Variants in TTC23 observed in about 807,000 individuals in gnomAD.
The protein encoded by TTC23 is tetratricopeptide repeat domain 23, also known as tetratricopeptide repeat protein 23.
Under a neutral mutation model 55.1 loss-of-function variants are expected in TTC23, and 58 were observed. The ratio of observed to expected loss-of-function variants is 1.05; its 90% confidence interval spans 0.85 to 1.31. The LOEUF is 1.31. Ranked by LOEUF, TTC23 falls within the 50% of genes most tolerant of loss-of-function variation. TTC23 has a pLI of 0.00. For synonymous variants in TTC23, 203 were observed against 199.9 expected (o/e 1.02, Z -0.13); for missense variants, 516 against 534.4 (o/e 0.97, Z 0.34).
At chr15:99,199,217 T>C (rs2075994094) in intron 9 of TTC23, among the ~76,000 whole-genome samples, 1 of 152,114 alleles carries the variant, frequency 6.6e-6, no homozygotes, top group Admixed American at 6.6e-5. Context: ...ATAGAAATCC[T>C]GTCTGAGTTT....
At chr15:99,164,139 A>T (rs2071741112) in intron 10 of TTC23, among the ~76,000 whole-genome samples, 1 of 152,242 alleles carries the variant, frequency 6.6e-6, no homozygotes, top group Admixed American at 6.5e-5. Flanking sequence ...ACTAGTCTGA[A>T]ACTGGAAAAA....
At chr15:99,197,323 T>C (rs59545422) in intron 9 of TTC23, among the ~76,000 whole-genome samples, 2,006 of 152,100 alleles carry the variant, frequency 0.013, 43 homozygotes, top group African/African-American at 0.041. Context: ...AGGATGGTCT[T>C]GATCTCCTGA....
At chr15:99,230,232 A>G (rs1272469256) in intron 4 of TTC23, among the ~76,000 whole-genome samples, 1 of 152,208 alleles carries the variant, frequency 6.6e-6, no homozygotes, top group Non-Finnish European at 1.5e-5. Context: ...TCTAGATAGA[A>G]AAATTATGTG....
At chr15:99,212,702 T>C (rs1258090874) in intron 8 of TTC23, among the ~76,000 whole-genome samples, 1 of 152,050 alleles carries the variant, frequency 6.6e-6, no homozygotes, top group Non-Finnish European at 1.5e-5. Context: ...GATATCCTTT[T>C]AAGAGGGACA....
intron 1 of TTC23, among the ~76,000 whole-genome samples, 175 bp downstream of exon 1, chr15:99,248,996 A>T (rs1369251314): frequency 6.6e-6 from 1 of 152,164 alleles, no homozygotes; most frequent in Admixed American, 6.5e-5. Flanking sequence ...ATATCTTTTA[A>T]TAGATATATT....
chr15:99,181,456 T>C (rs1316562993), intron 9 of TTC23, among the ~76,000 whole-genome samples: 1 of 151,314 alleles, frequency 6.6e-6, no homozygotes, highest in Non-Finnish European at 1.5e-5. Flanking sequence ...CGACCGAGAG[T>C]CTACGACTCT....
chr15:99,139,514 G>GAATT (rs2067973055), intron 12 of TTC23, 115 bp from the exon 13 acceptor site: 1 of 1,555,942 alleles, frequency 6.4e-7, no homozygotes, highest in East Asian at 2.4e-5. Flanking sequence ...TGCTGTGATG[G>GAATT]AATTAGCATG....
intron 9 of TTC23, among the ~76,000 whole-genome samples, chr15:99,198,128 G>A (rs1041655424): frequency 6.6e-6 from 1 of 152,064 alleles, no homozygotes; most frequent in Non-Finnish European, 1.5e-5. Context: ...GGCAATCACT[G>A]TGTGTAAGTG....
At chr15:99,242,568 T>C (rs1430707567) in intron 2 of TTC23, among the ~76,000 whole-genome samples, 1 of 152,162 alleles carries the variant, frequency 6.6e-6, no homozygotes, top group Non-Finnish European at 1.5e-5. Context: ...CCTTCATGAA[T>C]ATGGACACAA....
intron 6 of TTC23, among the ~76,000 whole-genome samples, chr15:99,220,095 G>A (rs1434656997): frequency 6.6e-6 from 1 of 152,154 alleles, no homozygotes; most frequent in East Asian, 1.9e-4. Flanking sequence ...GAAGGAACCT[G>A]AACTCAATTT....
intron 8 of TTC23, among the ~76,000 whole-genome samples, chr15:99,206,736 C>T (rs929460309): frequency 5.9e-5 from 9 of 151,942 alleles, no homozygotes; most frequent in African/African-American, 1.7e-4. Flanking sequence ...TTGTTGATTT[C>T]GTTTATCTTT....
intron 9 of TTC23, among the ~76,000 whole-genome samples, chr15:99,188,412 T>A (rs1285382279): frequency 6.6e-6 from 1 of 152,030 alleles, no homozygotes; most frequent in East Asian, 1.9e-4. Flanking sequence ...TGGTAATGGT[T>A]ACAAAACTCT....
intron 4 of TTC23, among the ~76,000 whole-genome samples, chr15:99,230,135 C>A (rs1397876380): frequency 6.6e-6 from 1 of 151,958 alleles, no homozygotes; most frequent in Non-Finnish European, 1.5e-5. Context: ...CAGATAAAAA[C>A]ATTAAAACAA....
At chr15:99,233,925 G>A (rs2079114822) in intron 4 of TTC23, among the ~76,000 whole-genome samples, 1 of 151,960 alleles carries the variant, frequency 6.6e-6, no homozygotes, top group African/African-American at 2.4e-5. Context: ...CCAATTCCTT[G>A]GAGAAAGAAG....
chr15:99,179,801 A>T (rs2151942390), intron 9 of TTC23, among the ~76,000 whole-genome samples: 1 of 152,070 alleles, frequency 6.6e-6, no homozygotes, highest in Middle Eastern at 3.4e-3. Context: ...AAGAACCTCC[A>T]TGGAACATGA....
chr15:99,144,676 T>C (rs1485110233), intron 12 of TTC23: 2 of 152,108 alleles, frequency 1.3e-5, no homozygotes, highest in East Asian at 1.9e-4. Flanking sequence ...TAATAGAAAA[T>C]TGAGAAAAGC....
chr15:99,142,186 T>C (rs2068311757), intron 12 of TTC23, among the ~76,000 whole-genome samples: 1 of 152,110 alleles, frequency 6.6e-6, no homozygotes, highest in African/African-American at 2.4e-5. Context: ...TGAAAACCCT[T>C]CCAGCACCCT....
intron 4 of TTC23, among the ~76,000 whole-genome samples, chr15:99,233,335 ATGAG>A (rs775413020): frequency 4.6e-5 from 7 of 152,244 alleles, no homozygotes; most frequent in Non-Finnish European, 7.3e-5. Flanking sequence ...AAATAAAAGA[ATGAG>A]AGAGATGACA....
intron 8 of TTC23, among the ~76,000 whole-genome samples, chr15:99,215,391 T>A (rs1885425430): frequency 6.6e-6 from 1 of 152,132 alleles, no homozygotes; most frequent in Admixed American, 6.5e-5. Context: ...TAATTTACAA[T>A]TAGATTCTAA....
Sources: allele counts gnomAD v4.1 joint callset (sites outside exome capture counted in the v4.1 genomes callset), GRCh38; gene constraint gnomAD v4.1.1; transcripts MANE v1.5; gene names NCBI Gene and HGNC (gene_info 2026-07-23, HGNC 2026-07-21).